Variants in GRID1 observed in about 807,000 individuals in gnomAD.
GRID1 encodes the protein glutamate ionotropic receptor delta type subunit 1.
GRID1 carries 28 observed loss-of-function variants against 98.0 expected under a neutral mutation model. The ratio of observed to expected loss-of-function variants is 0.29; its 90% confidence interval spans 0.21 to 0.39. The LOEUF is 0.39. GRID1 is among the 10% of genes least tolerant of loss of function. GRID1 has a pLI of 1.00. For synonymous variants in GRID1, 553 were observed against 538.5 expected (o/e 1.03, Z -0.37); for missense variants, 1,111 against 1,340.5 (o/e 0.83, Z 2.67).
At chr10:85,774,293 T>G (rs1842306044) in intron 8 of GRID1, among the ~76,000 whole-genome samples, 1 of 152,158 alleles carries the variant, frequency 6.6e-6, no homozygotes, top group South Asian at 2.1e-4. Context: ...TGAAACTGGA[T>G]CCCTTCCTTA....
chr10:86,248,550 G>A (rs949017132), intron 2 of GRID1, among the ~76,000 whole-genome samples: 1 of 150,504 alleles, frequency 6.6e-6, no homozygotes, highest in Admixed American at 6.6e-5. Context: ...TCTGCAAATC[G>A]GGCATGACAA....
intron 4 of GRID1, among the ~76,000 whole-genome samples, chr10:86,014,951 G>A (rs986667752): frequency 5.9e-5 from 9 of 152,176 alleles, no homozygotes; most frequent in African/African-American, 1.9e-4. Context: ...CCTTTCTTGA[G>A]TTATTCAGAT....
intron 3 of GRID1, among the ~76,000 whole-genome samples, chr10:86,151,948 A>G (rs896278096): frequency 1.3e-5 from 2 of 152,228 alleles, no homozygotes; most frequent in Non-Finnish European, 2.9e-5. Flanking sequence ...CTGGTGCCCA[A>G]CCAGGCCATG....
At chr10:85,711,123 G>A (rs2132636080) in intron 12 of GRID1, among the ~76,000 whole-genome samples, 1 of 152,028 alleles carries the variant, frequency 6.6e-6, no homozygotes, top group Non-Finnish European at 1.5e-5. Flanking sequence ...TTTTACTTCT[G>A]GGTATATACA....
chr10:85,659,560 A>G (rs1322940969), intron 12 of GRID1, among the ~76,000 whole-genome samples: 1 of 152,230 alleles, frequency 6.6e-6, no homozygotes, highest in Non-Finnish European at 1.5e-5. Flanking sequence ...AGCTGGAGGG[A>G]AAATACTAGC....
intron 3 of GRID1, among the ~76,000 whole-genome samples, chr10:86,194,174 C>A (rs1845842557): frequency 6.6e-6 from 1 of 152,116 alleles, no homozygotes; most frequent in Non-Finnish European, 1.5e-5. Context: ...TGCAGCCCAG[C>A]CGCTCTGCTT....
intron 4 of GRID1, among the ~76,000 whole-genome samples, chr10:86,026,823 C>T (rs572853234): frequency 5.3e-5 from 8 of 152,270 alleles, no homozygotes; most frequent in African/African-American, 1.4e-4. Context: ...CATGTGGAGA[C>T]GTGTGGGGTG....
chr10:86,102,969 C>T (rs1044548720), intron 4 of GRID1, among the ~76,000 whole-genome samples: 4 of 152,108 alleles, frequency 2.6e-5, no homozygotes, highest in African/African-American at 4.8e-5. Flanking sequence ...CCCCTGCAGA[C>T]GTTCTGTTGC....
intron 3 of GRID1, among the ~76,000 whole-genome samples, chr10:86,201,239 C>T (rs1027624080): frequency 1.3e-5 from 2 of 152,178 alleles, no homozygotes; most frequent in Admixed American, 1.3e-4. Flanking sequence ...ATTAATACAT[C>T]CACCTGCATC....
chr10:86,211,299 G>A (rs189023228), intron 2 of GRID1, among the ~76,000 whole-genome samples: 1 of 152,192 alleles, frequency 6.6e-6, no homozygotes, highest in Non-Finnish European at 1.5e-5. Context: ...CAAAGCTGAT[G>A]TCTCTCTTGA....
At chr10:85,791,184 G>A (rs1186143748) in intron 8 of GRID1, among the ~76,000 whole-genome samples, 2 of 152,178 alleles carry the variant, frequency 1.3e-5, no homozygotes, top group Non-Finnish European at 2.9e-5. Flanking sequence ...CACAGACGAC[G>A]TGACTGAGTC....
chr10:85,910,641 C>T lies in GRID1; in HGVS notation c.780+5545G>A, dbSNP rs116739407. 2.3e-3 allele frequency among the ~76,000 whole-genome samples: 352 copies of T among 152,282 alleles called. 3 individuals carry two copies. The highest frequency in any genetic ancestry group is 8.0e-3 in the African/African-American group (332 of 41,548). On this transcript the variant is annotated intron_variant, in intron 5 of 15. Coordinates refer to ENST00000327946, the MANE Select transcript of GRID1 (RefSeq NM_017551.3). ...TGAAGAAGACCACACACTGGGATGA[C>T]TTTGTCCTTTGGGTGGCAGATGGGG...
At chr10:85,838,409 A>G (rs1842930859) in intron 8 of GRID1, among the ~76,000 whole-genome samples, 2 of 152,176 alleles carry the variant, frequency 1.3e-5, no homozygotes, top group Admixed American at 1.3e-4. Context: ...AGGTAGCTAG[A>G]GGAACAGACC....
At chr10:85,733,948 A>C (rs1449862564) in intron 8 of GRID1, among the ~76,000 whole-genome samples, 1 of 152,178 alleles carries the variant, frequency 6.6e-6, no homozygotes, top group African/African-American at 2.4e-5. Flanking sequence ...ATTTTCACTA[A>C]TAGGAAGTAA....
intron 12 of GRID1, among the ~76,000 whole-genome samples, chr10:85,662,721 G>T (rs781180642): frequency 6.6e-6 from 1 of 152,212 alleles, no homozygotes; most frequent in African/African-American, 2.4e-5. Flanking sequence ...GAAGAGGGCT[G>T]CACTGTGTCG....
chr10:85,738,977 A>G (rs1435719406), intron 8 of GRID1, among the ~76,000 whole-genome samples: 1 of 152,148 alleles, frequency 6.6e-6, no homozygotes, highest in Non-Finnish European at 1.5e-5. Context: ...ATATACCTCA[A>G]ATGGATAGAT....
chr10:86,258,623 T>G (rs1353901319), intron 2 of GRID1, among the ~76,000 whole-genome samples: 1 of 152,170 alleles, frequency 6.6e-6, no homozygotes, highest in Non-Finnish European at 1.5e-5. Flanking sequence ...CTCTTAGAGC[T>G]TGTTCAAAAG....
At position 85,977,036 on chromosome 10, in the gene GRID1, G is replaced by A. The variant is rs151294322; in HGVS notation, c.727-60797C>T. Among the ~76,000 whole-genome samples, 145 of 152,336 alleles carry A rather than the reference G, an allele frequency of 9.5e-4. 1 individual carries two copies. The highest frequency in any genetic ancestry group is 3.4e-3 in the Middle Eastern group (1 of 294). Reference sequence around the variant, plus strand: ...TACCTCTGACAAGGCCCAGCTTCACGGGAGAGGTGAAGCCCATGAAACCTG... The same window carrying A: ...TACCTCTGACAAGGCCCAGCTTCACAGGAGAGGTGAAGCCCATGAAACCTG... On this transcript the variant is annotated intron_variant, in intron 4 of 15. Transcript: ENST00000327946.
chr10:86,192,800 C>T lies in GRID1; in HGVS notation c.520+13564G>A, dbSNP rs1466666866. Among the ~76,000 whole-genome samples, 2 of 151,892 alleles carry T rather than the reference C, an allele frequency of 1.3e-5. No individual in the cohort carries two copies. The highest frequency in any genetic ancestry group is 2.9e-5 in the Non-Finnish European group (2 of 67,904). ...CAGGGCCAACAGGTGATGTTCACAC[C>T]GATATATGTGGTGATTCCACAGAAC... On this transcript the variant is annotated intron_variant, in intron 3 of 15. Coordinates refer to ENST00000327946, the MANE Select transcript of GRID1 (RefSeq NM_017551.3). The surrounding 1 kb of genome is among the most constrained non-coding windows in gnomAD (Gnocchi z 4.8).
Sources: gnomAD v4.1 joint callset for allele counts (sites outside exome capture counted in the v4.1 genomes callset) on GRCh38, gnomAD v4.1.1 for gene constraint, Gnocchi (gnomAD v3.1) non-coding constraint, MANE v1.5 for transcripts, NCBI Gene and HGNC (gene_info 2026-07-23, HGNC 2026-07-21) for gene names.